Variants in CADPS observed in about 807,000 individuals in gnomAD.
The protein encoded by CADPS is calcium-dependent secretion activator 1.
Under a neutral mutation model 167.3 loss-of-function variants are expected in CADPS, and 57 were observed. The ratio of observed to expected loss-of-function variants is 0.34; its 90% CI spans 0.28 to 0.42. The LOEUF is 0.42. Ranked by LOEUF, CADPS falls within the 20% of genes least tolerant of loss-of-function variation. The pLI is 1.00. For synonymous variants in CADPS, 676 were observed against 635.3 expected (o/e 1.06, Z -0.96); for missense variants, 1,414 against 1,738.1 (o/e 0.81, Z 3.32).
chr3:62,831,086 G>C (rs2074990291), intron 1 of CADPS, among the ~76,000 whole-genome samples: 1 of 152,142 alleles, frequency 6.6e-6, no homozygotes, highest in African/African-American at 2.4e-5. Flanking sequence ...ACTTTAAGGG[G>C]AGGAGTGCAT....
chr3:62,605,255 A>AAC (rs1562804951), intron 6 of CADPS, among the ~76,000 whole-genome samples: 2,297 of 134,980 alleles, frequency 0.017, 45 homozygotes, highest in African/African-American at 0.059. Flanking sequence ...AAAAACAAAA[A>AAC]AAAAAAAACT....
intron 3 of CADPS, among the ~76,000 whole-genome samples, chr3:62,701,937 A>G (rs1286871311): frequency 6.6e-6 from 1 of 152,184 alleles, no homozygotes; most frequent in African/African-American, 2.4e-5. Context: ...AGATAGCTAT[A>G]GATTAAAAGT....
chr3:62,666,537 T>C (rs192650399), intron 3 of CADPS, among the ~76,000 whole-genome samples: 30 of 152,248 alleles, frequency 2.0e-4, no homozygotes, highest in Non-Finnish European at 3.5e-4. Context: ...GGCAGATCAT[T>C]AGGGTTCAAA....
At chr3:62,547,266 C>T (rs751231202) in intron 11 of CADPS, among the ~76,000 whole-genome samples, 2 of 152,182 alleles carry the variant, frequency 1.3e-5, no homozygotes, top group Non-Finnish European at 2.9e-5. Context: ...TATTACATGG[C>T]CACTGTGTAC....
intron 6 of CADPS, among the ~76,000 whole-genome samples, chr3:62,593,014 G>C (rs2086403439): frequency 6.6e-6 from 1 of 152,196 alleles, no homozygotes; most frequent in Non-Finnish European, 1.5e-5. Context: ...ACTCATGTTG[G>C]TGAGAACTTG....
intron 28 of CADPS, chr3:62,404,487 T>G (rs1328466361): frequency 6.6e-6 from 1 of 152,464 alleles, no homozygotes; most frequent in African/African-American, 2.4e-5. Flanking sequence ...AATTTAGGTT[T>G]TTACTTGCAA....
Position 62,485,088 on chromosome 3 carries a change from T to C in CADPS, c.3027-3219A>G, listed in dbSNP as rs531437375. On this transcript the variant is annotated intron_variant, in intron 21 of 29. Transcript: ENST00000383710. ...ATGAAAATTTAATACAACAGATATA[T>C]AGAATATCTGTTTATGTATTATATG... Among the ~76,000 whole-genome samples, 5 of 152,090 alleles carry C rather than the reference T, an allele frequency of 3.3e-5. No individual in the cohort carries two copies. In the South Asian group the frequency reaches 8.3e-4, roughly 25 times the overall value.
rs79210910 is a variant in CADPS at position 62,499,074 on chromosome 3, G to C, written c.2706+88C>G. 1.5e-3 allele frequency: 1,107 copies of C among 719,754 alleles called. 6 individuals carry two copies. In the African/African-American group the frequency reaches 0.016, roughly 11 times the overall value. The allele number at this position is 719,754 out of a possible 1,614,324, so 44.6% of individuals were successfully genotyped here. A position where few individuals can be genotyped will look rare whatever the true frequency, so the allele number is the denominator to read the frequency against. Reference sequence around the variant, plus strand: ...CAGTTAAAAGAAAATGGGTGTTAAGGCATCTTATTCACAATCTGGCTGGGA... The same window carrying C: ...CAGTTAAAAGAAAATGGGTGTTAAGCCATCTTATTCACAATCTGGCTGGGA... On this transcript the variant is annotated intron_variant, in intron 18 of 29. Coordinates refer to ENST00000383710, the MANE Select transcript of CADPS (RefSeq NM_003716.4).
chr3:62,791,074 C>T (rs1048355840), intron 1 of CADPS, among the ~76,000 whole-genome samples: 4 of 151,572 alleles, frequency 2.6e-5, no homozygotes, highest in African/African-American at 4.8e-5. Context: ...AAGTGACTTA[C>T]ATATGACTAG....
At chr3:62,435,397 G>A (rs1361507808) in intron 28 of CADPS, among the ~76,000 whole-genome samples, 2 of 152,090 alleles carry the variant, frequency 1.3e-5, no homozygotes, top group African/African-American at 4.8e-5. Context: ...CAAACATGTT[G>A]GTAATCTGAT....
At chr3:62,494,190 C>T (rs563074930) in intron 18 of CADPS, among the ~76,000 whole-genome samples, 16 of 152,270 alleles carry the variant, frequency 1.1e-4, no homozygotes, top group African/African-American at 3.8e-4. Flanking sequence ...GGGTCTGAAC[C>T]GATGAGGTTT....
intron 3 of CADPS, among the ~76,000 whole-genome samples, chr3:62,752,443 T>C (rs536960606): frequency 5.3e-5 from 8 of 152,184 alleles, no homozygotes; most frequent in Non-Finnish European, 1.0e-4. Context: ...TACTAAAACA[T>C]CCAGAAAATT....
chr3:62,676,661 C>A (rs1009647267), intron 3 of CADPS, among the ~76,000 whole-genome samples: 8 of 152,010 alleles, frequency 5.3e-5, no homozygotes, highest in Non-Finnish European at 8.8e-5. Flanking sequence ...GTCCTGCAGG[C>A]GTTTTGGTGA....
chr3:62,579,293 C>A (rs1203484578), intron 8 of CADPS, among the ~76,000 whole-genome samples: 1 of 152,146 alleles, frequency 6.6e-6, no homozygotes, highest in African/African-American at 2.4e-5. Flanking sequence ...GCTCCAATTT[C>A]TCTAAGTGTA....
intron 28 of CADPS, among the ~76,000 whole-genome samples, chr3:62,414,606 G>A (rs571484507): frequency 2.1e-4 from 32 of 152,272 alleles, no homozygotes; most frequent in Admixed American, 8.5e-4. Context: ...CTCCCTGTTC[G>A]CCCAACCAAT....
rs56153630 is a variant in CADPS at position 62,494,669 on chromosome 3, A to ATTTTTTTTTTTTT, written c.2707-1017_2707-1005dup. Reference sequence around the variant, plus strand: ...ACCTCATACCTGGCTCTTACCAGCAATTTTTTTTTTTTTTTTGGACGGAGT... The same window carrying ATTTTTTTTTTTTT: ...ACCTCATACCTGGCTCTTACCAGCAATTTTTTTTTTTTTTTTTTTTTTTTTTTTTGGACGGAGT... On this transcript the variant is annotated intron_variant, in intron 18 of 29. Coordinates refer to ENST00000383710, the MANE Select transcript of CADPS (RefSeq NM_003716.4). 1.7e-3 allele frequency among the ~76,000 whole-genome samples: 203 copies of ATTTTTTTTTTTTT among 118,548 alleles called. 6 individuals carry two copies. The highest frequency in any genetic ancestry group is 6.2e-3 in the African/African-American group (183 of 29,450). The allele number at this position is 118,548 out of a possible 152,430, so 77.8% of individuals were successfully genotyped here.
chr3:62,654,644 G>T (rs573758708), intron 4 of CADPS, among the ~76,000 whole-genome samples: 1 of 152,106 alleles, frequency 6.6e-6, no homozygotes, highest in African/African-American at 2.4e-5. Flanking sequence ...TAGTCCTTAG[G>T]CCCCATTAAA....
At position 62,753,149 on chromosome 3, in the gene CADPS, G is replaced by A. The variant is rs1231813; in HGVS notation, c.888+292C>T. Among the ~76,000 whole-genome samples, 36,242 of 151,980 alleles carry A rather than the reference G, an allele frequency of 0.24. 5,033 individuals are homozygous for A. Among genetic ancestry groups the A allele is most frequent in the African/African-American group, 0.39 (16,045 of 41,396 alleles). ...AATTGATTTTTAGCACTTTTGACAC[G>A]TGGAAAACAAGCCTTACTCATAGGG... On this transcript the variant is annotated intron_variant, in intron 3 of 29. Coordinates refer to ENST00000383710, the MANE Select transcript of CADPS (RefSeq NM_003716.4). The surrounding 1 kb of genome is among the most constrained non-coding windows in gnomAD (Gnocchi z 4.6).
intron 5 of CADPS, among the ~76,000 whole-genome samples, chr3:62,646,800 C>G (rs929065466): frequency 6.6e-6 from 1 of 152,144 alleles, no homozygotes; most frequent in Non-Finnish European, 1.5e-5. Flanking sequence ...AGTGAGAAAG[C>G]TGATTTTGAA....
Sources: gnomAD v4.1 joint callset for allele counts (sites outside exome capture counted in the v4.1 genomes callset) on GRCh38, gnomAD v4.1.1 for gene constraint, Gnocchi (gnomAD v3.1) non-coding constraint, MANE v1.5 for transcripts, NCBI Gene and HGNC (gene_info 2026-07-23, HGNC 2026-07-21) for gene names.